Variants in GPRIN1 observed in about 807,000 individuals in gnomAD.
The protein encoded by GPRIN1 is G protein-regulated inducer of neurite outgrowth 1.
In GPRIN1, 4 loss-of-function variants were observed where a neutral mutation model predicts 2.8. The observed-to-expected ratio is 1.45, with a 90% CI of 0.71 to 3.32. The LOEUF is 3.32. Among genes scored for constraint, GPRIN1 ranks in the 30% most tolerant of loss-of-function variants. The pLI is 0.01. For synonymous variants in GPRIN1, 589 were observed against 589.9 expected (o/e 1.00, Z 0.02); for missense variants, 1,322 against 1,343.4 (o/e 0.98, Z 0.25).
chr5:176,599,935 T>G, intron 1 of GPRIN1, 58 bp from the exon 2 acceptor site: 1 of 1,121,630 alleles, frequency 8.9e-7, no homozygotes, highest in Non-Finnish European at 1.2e-6. Flanking sequence ...GAGGAGACTC[T>G]GCCTTCTCCC....
rs1439501425 is a variant in GPRIN1, at chr5:176,597,857, T to G, written c.1978A>C (p.Lys660Gln). Residue 660 changes from lysine (K) to glutamine (Q), a missense_variant, in exon 2 of 2, where the codon AAA (lysine) becomes CAA (glutamine). Around this residue, in one of 3 missense-constraint regions of GPRIN1, gnomAD observed 1,117 missense variants for 1,128.6 expected, o/e 0.99. Coordinates refer to ENST00000303991, the MANE Select transcript of GPRIN1 (RefSeq NM_052899.3). The surrounding 1 kb of genome is among the most constrained non-coding windows in gnomAD (Gnocchi z 6.1). The part of the protein sequence containing the change: ...APGEAGAVCL[K>Q]KETPQASEKV... The stretch of plus-strand genomic sequence containing the variant: ...TCTGAGGCCTGTGGTGTCTCCTTTT[T>G]CAAACACACAGCCCCTGCTTCCCCT... 1 of 1,613,366 alleles carries G rather than the reference T, an allele frequency of 6.2e-7. No individual in the cohort carries two copies. The highest frequency in any genetic ancestry group is 8.5e-7 in the Non-Finnish European group (1 of 1,179,826).
chr5:176,603,069 C>T (rs562387640), intron 1 of GPRIN1, among the ~76,000 whole-genome samples: 4 of 152,242 alleles, frequency 2.6e-5, no homozygotes, highest in Non-Finnish European at 5.9e-5. Context: ...TGGTTATGTG[C>T]GCACATAGTC....
chr5:176,596,811 C>G lies in GPRIN1; in HGVS notation c.3024G>C (p.Glu1008Asp). ...RCCSRAGPTA[E>D] ...GGGCGTACAAAATGGGGGCAGATCA[C>G]TCGGCCGTGGGTCCCGCCCGCGAGC... Residue 1008 changes from glutamate to aspartate, a missense_variant, in exon 2 of 2, where the codon GAG becomes GAC. By Grantham distance (45) the Glu-to-Asp change is conservative. Around this residue, in one of 3 missense-constraint regions of GPRIN1, gnomAD observed 196 missense variants for 189.2 expected, o/e 1.04. Transcript: ENST00000303991. The surrounding 1 kb of genome is among the most constrained non-coding windows in gnomAD (Gnocchi z 5.2). 7.0e-7 allele frequency: 1 copy of G among 1,431,284 alleles called. No individual in the cohort carries two copies. The highest frequency in any genetic ancestry group is 9.2e-7 in the Non-Finnish European group (1 of 1,092,096). The allele number at this position is 1,431,284 out of a possible 1,614,324, so 88.7% of individuals were successfully genotyped here. A position where few individuals can be genotyped will look rare whatever the true frequency, so the allele number is the denominator to read the frequency against.
chr5:176,607,901 CTCTT>C (rs1759246007), intron 1 of GPRIN1, among the ~76,000 whole-genome samples: 5 of 95,938 alleles, frequency 5.2e-5, no homozygotes, highest in African/African-American at 1.5e-4. Context: ...TGACACTTGG[CTCTT>C]TTTTTTTTTT....
chr5:176,600,283 C>T (rs529640910), intron 1 of GPRIN1, among the ~76,000 whole-genome samples: 2 of 152,234 alleles, frequency 1.3e-5, no homozygotes, highest in South Asian at 4.1e-4. Context: ...TGCGCCACCA[C>T]GCCCAGCTAA....
intron 1 of GPRIN1, among the ~76,000 whole-genome samples, chr5:176,608,581 T>C (rs1759261142): frequency 6.6e-6 from 1 of 152,258 alleles, no homozygotes; most frequent in Non-Finnish European, 1.5e-5. Context: ...GTTGTGCGTA[T>C]GTACACCCTG....
Position 176,597,695 on chromosome 5 carries a change from T to C in GPRIN1, c.2140A>G (p.Ser714Gly). 2 of 1,594,522 alleles carry C rather than the reference T, an allele frequency of 1.3e-6. No individual in the cohort carries two copies. The highest frequency in any genetic ancestry group is 1.1e-5 in the South Asian group (1 of 89,448). The stretch of plus-strand genomic sequence containing the variant: ...GAGGACGGCTTGGTCTTCTCCAGAC[T>C]CAGGGGGACCACCTTCCCCAAGGAT... The part of the protein sequence containing the change: ...SPSLGKVVPL[S>G]LEKTKPSSSS... Residue 714 changes from serine (S) to glycine (G), a missense_variant, in exon 2 of 2, where the codon AGT (serine) becomes GGT (glycine). By Grantham distance (56) the Ser-to-Gly change is moderately conservative. Coordinates refer to ENST00000303991, the MANE Select transcript of GPRIN1 (RefSeq NM_052899.3). The surrounding 1 kb of genome is among the most constrained non-coding windows in gnomAD (Gnocchi z 6.1).
At chr5:176,609,840 C>CCG (rs1008472434) in intron 1 of GPRIN1, among the ~76,000 whole-genome samples, 159 bp downstream of exon 1, 3 of 150,294 alleles carry the variant, frequency 2.0e-5, no homozygotes, top group Non-Finnish European at 3.0e-5. Context: ...CCGCCCCCAG[C>CCG]CGCGCGCACA....
In GPRIN1 at chr5:176,596,805, A is replaced by T; in HGVS notation, c.*3T>A. 7.0e-7 allele frequency: 1 copy of T among 1,429,404 alleles called. No individual in the cohort carries two copies. The highest frequency in any genetic ancestry group is 9.2e-7 in the Non-Finnish European group (1 of 1,092,000). 88.5% of individuals were successfully genotyped at this position (1,429,404 alleles called of 1,614,324 possible). ...AAACTCGGGCGTACAAAATGGGGGC[A>T]GATCACTCGGCCGTGGGTCCCGCCC... On this transcript the variant is annotated 3_prime_UTR_variant, in exon 2 of 2. Coordinates refer to ENST00000303991, the MANE Select transcript of GPRIN1 (RefSeq NM_052899.3). The surrounding 1 kb of genome is among the most constrained non-coding windows in gnomAD (Gnocchi z 5.2).
chr5:176,601,567 G>T (rs1759148453), intron 1 of GPRIN1, among the ~76,000 whole-genome samples: 1 of 152,124 alleles, frequency 6.6e-6, no homozygotes, highest in Non-Finnish European at 1.5e-5. Context: ...AGGAAAGAGG[G>T]AGATCCGTTT....
Position 176,599,004 on chromosome 5 carries a change from AGAT to A in GPRIN1, c.828_830del (p.Ser277del). On this transcript the variant is annotated inframe_deletion, in exon 2 of 2. Transcript: ENST00000303991. Reference sequence around the variant, plus strand: ...ACAATACAAGATCTACCTTTTCTGCAGATGTAGGAGCGACCTTTTCTGAGGACA... The same window carrying A: ...ACAATACAAGATCTACCTTTTCTGCAGTAGGAGCGACCTTTTCTGAGGACA... 6.2e-7 allele frequency: 1 copy of A among 1,614,132 alleles called. No homozygotes were observed. The highest frequency in any genetic ancestry group is 8.5e-7 in the Non-Finnish European group (1 of 1,180,004).
rs1759068800 is a variant in GPRIN1, at chr5:176,597,663, G to A, written c.2172C>T (p.Ser724=). 1 of 1,595,634 alleles carries A rather than the reference G, an allele frequency of 6.3e-7. No homozygotes were observed. Among genetic ancestry groups the A allele is most frequent in the Admixed American group, 1.7e-5 (1 of 57,484 alleles). The change falls in exon 2 of 2, where the codon TCC becomes TCT. Residue 724 remains serine, a synonymous_variant. Transcript: ENST00000303991. The surrounding 1 kb of genome is among the most constrained non-coding windows in gnomAD (Gnocchi z 6.1). ...SLEKTKPSSS[S]RQLDRKALGS... ...CGAGGGCTTTGCGGTCTAACTGCCT[G>A]GAGGAGGAGGACGGCTTGGTCTTCT...
rs371648455 is a variant in GPRIN1 at position 176,606,476 on chromosome 5, G to T, written c.-44+3523C>A. 2.9e-4 allele frequency among the ~76,000 whole-genome samples: 44 copies of T among 152,340 alleles called. 1 individual carries two copies. The highest frequency in any genetic ancestry group is 9.9e-4 in the African/African-American group (41 of 41,574). Reference sequence around the variant, plus strand: ...ATTAGAAGATTTCATGTGACAGTAAGATTTCCAGCTTCTCTTGGAAAACTA... The same window carrying T: ...ATTAGAAGATTTCATGTGACAGTAATATTTCCAGCTTCTCTTGGAAAACTA... On this transcript the variant is annotated intron_variant, in intron 1 of 1. Transcript: ENST00000303991.
chr5:176,606,815 C>T (rs1438006769), intron 1 of GPRIN1, among the ~76,000 whole-genome samples: 1 of 152,252 alleles, frequency 6.6e-6, no homozygotes, highest in Admixed American at 6.5e-5. Context: ...GCAAATCCCA[C>T]CCGCCTGCCA....
In GPRIN1 at chr5:176,597,752, C is replaced by T. The variant is rs1351072330; in HGVS notation, c.2083G>A (p.Asp695Asn). ...TCCGTTTTTCTGGAAGGTGCAGAGT[C>T]GGCTTTCCCCAGGGACACAGGCTCT... ...KGEPVSLGKA[D>N]SAPSRKTESP... The change falls in exon 2 of 2, where the codon GAC becomes AAC. Residue 695 changes from aspartate (D) to asparagine (N), a missense_variant. Physicochemically the swap from Asp to Asn is conservative, Grantham distance 23 (BLOSUM62 1). Around this residue, in one of 3 missense-constraint regions of GPRIN1, gnomAD observed 1,117 missense variants for 1,128.6 expected, o/e 0.99. Coordinates refer to ENST00000303991, the MANE Select transcript of GPRIN1 (RefSeq NM_052899.3). This position sits in a 1 kb window ranked among gnomAD's most constrained non-coding sequence, Gnocchi z 6.1. 15 of 1,603,930 alleles carry T rather than the reference C, an allele frequency of 9.4e-6. No homozygotes were observed. Among genetic ancestry groups the T allele is most frequent in the South Asian group, 1.1e-5 (1 of 90,040 alleles).
chr5:176,599,093 T>G lies in GPRIN1; in HGVS notation c.742A>C (p.Lys248Gln), dbSNP rs146241164. Reference protein sequence around the residue: ...LRKVDPVSSDKVDPVFPRKEE... With the variant: ...LRKVDPVSSDQVDPVFPRKEE... ...TTTCTTGGGAATACAGGGTCCACTT[T>G]GTCTGAGGACACAGGATCCACCTTT... Residue 248 changes from lysine (K) to glutamine (Q), a missense_variant, in exon 2 of 2, where the codon AAA (lysine) becomes CAA (glutamine). By Grantham distance (53) the Lys-to-Gln change is moderately conservative. Around this residue, in one of 3 missense-constraint regions of GPRIN1, gnomAD observed 1,117 missense variants for 1,128.6 expected, o/e 0.99. Coordinates refer to ENST00000303991, the MANE Select transcript of GPRIN1 (RefSeq NM_052899.3). The G allele has an allele frequency of 2.5e-6, 4 of 1,612,958 alleles. No individual in the cohort carries two copies. The highest frequency in any genetic ancestry group is 3.4e-6 in the Non-Finnish European group (4 of 1,179,228).
In GPRIN1 at chr5:176,597,975, T is replaced by C. The variant is rs1296241095; in HGVS notation, c.1860A>G (p.Thr620=). The stretch of plus-strand genomic sequence containing the variant: ...TCCCCGAGGCCCTGGGATCCGCCTT[T>C]GTGGTGGTAACAGGACTCCCCTTCT... ...PLEKGSPVTT[T]KADPRASGKA... is the part of the protein sequence containing the mutation. Residue 620 remains threonine, a synonymous_variant, in exon 2 of 2, where the codon ACA becomes ACG. Coordinates refer to ENST00000303991, the MANE Select transcript of GPRIN1 (RefSeq NM_052899.3). This position sits in a 1 kb window ranked among gnomAD's most constrained non-coding sequence, Gnocchi z 6.1. The C allele has an allele frequency of 6.2e-7, 1 of 1,614,014 alleles. No homozygotes were observed.
At chr5:176,609,392 G>C (rs566747802) in intron 1 of GPRIN1, among the ~76,000 whole-genome samples, 1 of 152,172 alleles carries the variant, frequency 6.6e-6, no homozygotes, top group Admixed American at 6.5e-5. Context: ...ACAGGTGGCC[G>C]TGTGTATGAG....
At position 176,599,963 on chromosome 5, in the gene GPRIN1, G is replaced by A. The variant is rs1759123030; in HGVS notation, c.-43-86C>T. 12 of 910,370 alleles carry A rather than the reference G, an allele frequency of 1.3e-5. No homozygotes were observed. The South Asian group carries it at 4.7e-4, about 35-fold the overall frequency. 56.4% of individuals were successfully genotyped at this position (910,370 alleles called of 1,614,324 possible). On this transcript the variant is annotated intron_variant, in intron 1 of 1. Coordinates refer to ENST00000303991, the MANE Select transcript of GPRIN1 (RefSeq NM_052899.3). ...CTTCTCCCCTTCCTCACTGAGTGCT[G>A]TGTCCCATCTGGTCCCCACCTGTCC... is the stretch of plus-strand genomic sequence containing the variant.
Sources: gnomAD v4.1 joint callset for allele counts (sites outside exome capture counted in the v4.1 genomes callset) on GRCh38, gnomAD v4.1.1 for gene constraint, gnomAD v4.1.1 regional missense constraint, Gnocchi (gnomAD v3.1) non-coding constraint, MANE v1.5 for transcripts, NCBI Gene and HGNC (gene_info 2026-07-23, HGNC 2026-07-21) for gene names.